Variants in OPCML observed in about 807,000 individuals in gnomAD.
OPCML encodes opioid-binding protein/cell adhesion molecule.
In OPCML, 13 loss-of-function variants were observed where a neutral mutation model predicts 37.8. The observed-to-expected ratio is 0.34, with a 90% confidence interval of 0.22 to 0.55. The LOEUF is 0.55. Among genes scored for constraint, OPCML ranks in the 20% least tolerant of loss-of-function variants. The probability of loss-of-function intolerance (pLI) is 0.91; values close to 1 mark genes in which losing one functional copy is unlikely to be tolerated. For synonymous variants in OPCML, 176 were observed against 168.8 expected, an observed-to-expected ratio of 1.04 and a Z score of -0.33; for missense variants, 341 against 435.6, an observed-to-expected ratio of 0.78 and a Z score of 1.93.
chr11:133,142,848 C>G (rs1018359670), intron 1 of OPCML, among the ~76,000 whole-genome samples: 2 of 152,060 alleles, frequency 1.3e-5, no homozygotes, highest in Non-Finnish European at 2.9e-5. Context: ...TGAGAAGGCA[C>G]TTGGAGGTCT....
intron 1 of OPCML, among the ~76,000 whole-genome samples, chr11:133,178,225 C>T (rs1937643153): frequency 6.6e-6 from 1 of 152,070 alleles, no homozygotes; most frequent in African/African-American, 2.4e-5. Flanking sequence ...GTGTTAGAAA[C>T]TGATTTTTGG....
intron 2 of OPCML, among the ~76,000 whole-genome samples, chr11:132,733,469 T>G (rs1409745846): frequency 6.6e-6 from 1 of 152,162 alleles, no homozygotes; most frequent in Non-Finnish European, 1.5e-5. Flanking sequence ...AAGATCATTC[T>G]ACTTGCTGAG....
chr11:133,010,144 T>G lies in OPCML; in HGVS notation c.62-67134A>C, dbSNP rs1436800591. ...AGGAGCAGCTCAGAAGTCTCCTCCATAGTGAGCCCAACCCTCCACTTGGGA... is the reference window on the plus strand; with the variant it reads ...AGGAGCAGCTCAGAAGTCTCCTCCAGAGTGAGCCCAACCCTCCACTTGGGA... On this transcript the variant is annotated intron_variant, in intron 1 of 7. Transcript: ENST00000524381. Among the ~76,000 whole-genome samples, 3 of 152,146 alleles carry G rather than the reference T, an allele frequency of 2.0e-5. No homozygotes were observed. In the East Asian group the frequency reaches 5.8e-4, roughly 29 times the overall value.
chr11:132,942,760 C>T (rs1945623604), intron 2 of OPCML, among the ~76,000 whole-genome samples, 166 bp downstream of exon 2: 1 of 152,226 alleles, frequency 6.6e-6, no homozygotes, highest in Admixed American at 6.5e-5. Context: ...CAAACCTGTC[C>T]AGGGGCACGG....
intron 1 of OPCML, among the ~76,000 whole-genome samples, chr11:133,201,834 C>T (rs1213893161): frequency 1.3e-5 from 2 of 152,178 alleles, no homozygotes; most frequent in Admixed American, 6.5e-5. Context: ...CTTCTCACCG[C>T]CTCTCCAAAC....
chr11:133,384,976 TGGCCCCG>T (rs1278800790), intron 1 of OPCML, among the ~76,000 whole-genome samples: 2 of 152,184 alleles, frequency 1.3e-5, no homozygotes, highest in Admixed American at 6.5e-5. Flanking sequence ...GATCCCAGGG[TGGCCCCG>T]AGGTCTCCGC....
chr11:132,986,300 C>T (rs1192587151), intron 1 of OPCML, among the ~76,000 whole-genome samples: 3 of 152,008 alleles, frequency 2.0e-5, no homozygotes, highest in African/African-American at 4.8e-5. Flanking sequence ...TTACTAAAAA[C>T]TACCTCAAGT....
rs527967561 is a variant in OPCML at position 132,647,807 on chromosome 11, A to T, written c.379+9280T>A. Among the ~76,000 whole-genome samples, 20 of 152,338 alleles carry T rather than the reference A, an allele frequency of 1.3e-4. No homozygotes were observed. The South Asian group carries it at 3.3e-3, about 25-fold the overall frequency. On this transcript the variant is annotated intron_variant, in intron 3 of 7. Transcript: ENST00000524381. ...GGTTCAAGGGTCAACCGTACTCAGCAGATGATAACCATTGTTTATAATTAC... is the reference window on the plus strand; with the variant it reads ...GGTTCAAGGGTCAACCGTACTCAGCTGATGATAACCATTGTTTATAATTAC...
In OPCML at chr11:133,057,508, G is replaced by A. The variant is rs180678273; in HGVS notation, c.62-114498C>T. Among the ~76,000 whole-genome samples the A allele has an allele frequency of 3.5e-3, 536 of 152,254 alleles. 2 individuals are homozygous for A. Among genetic ancestry groups the A allele is most frequent in the African/African-American group, 0.012 (498 of 41,552 alleles). On this transcript the variant is annotated intron_variant, in intron 1 of 7. Coordinates refer to ENST00000524381, the MANE Select transcript of OPCML (RefSeq NM_001012393.5). ...TTCCCTTGCCTTCTGCTTCTGGGTG[G>A]GTGTGGCCAGTAGAATTCTCCAGTA... is the stretch of plus-strand genomic sequence containing the variant.
Position 132,779,653 on chromosome 11 carries a change from G to A in OPCML, c.147-122334C>T, listed in dbSNP as rs77230470. Among the ~76,000 whole-genome samples, 1,054 of 152,186 alleles carry A rather than the reference G, an allele frequency of 6.9e-3. 7 individuals carry two copies. Among genetic ancestry groups the A allele is most frequent in the Middle Eastern group, 0.031 (9 of 294 alleles). Reference sequence around the variant, plus strand: ...CTGGGTGAGAGCTCAGGACTGCCCAGACTCTCTGCATGCTTTCAGCCTGAA... The same window carrying A: ...CTGGGTGAGAGCTCAGGACTGCCCAAACTCTCTGCATGCTTTCAGCCTGAA... On this transcript the variant is annotated intron_variant, in intron 2 of 7. Transcript: ENST00000524381.
intron 2 of OPCML, among the ~76,000 whole-genome samples, chr11:132,658,541 C>T (rs1004503517): frequency 6.6e-6 from 1 of 152,174 alleles, no homozygotes; most frequent in Non-Finnish European, 1.5e-5. Context: ...AGCACCTGAT[C>T]TAGGGCGGTC....
intron 1 of OPCML, among the ~76,000 whole-genome samples, chr11:133,104,436 AAAG>A (rs751149063): frequency 1.3e-5 from 2 of 152,346 alleles, no homozygotes; most frequent in East Asian, 3.9e-4. Flanking sequence ...ACCTGGAAAA[AAAG>A]AAGAACATTT....
intron 2 of OPCML, among the ~76,000 whole-genome samples, chr11:132,690,713 T>C (rs1943367322): frequency 6.6e-6 from 1 of 152,192 alleles, no homozygotes; most frequent in South Asian, 2.1e-4. Flanking sequence ...GGCATAGCAG[T>C]AGATTCTGGG....
At position 133,327,401 on chromosome 11, in the gene OPCML, T is replaced by G. The variant is rs373674235; in HGVS notation, c.61+204863A>C. Among the ~76,000 whole-genome samples the G allele has an allele frequency of 6.8e-4, 104 of 152,066 alleles. 3 individuals are homozygous for G. The highest frequency in any genetic ancestry group is 2.3e-3 in the African/African-American group (95 of 41,432). On this transcript the variant is annotated intron_variant, in intron 1 of 7. Transcript: ENST00000524381. ...AGTGTATTTACGCTCATTGCAGAGA[T>G]AGTGTGGCCTTATATATCCATCTGG...
chr11:132,807,149 A>G (rs1348343554), intron 2 of OPCML, among the ~76,000 whole-genome samples: 3 of 152,200 alleles, frequency 2.0e-5, no homozygotes, highest in African/African-American at 4.8e-5. Flanking sequence ...CTAGTTATAT[A>G]GACACAAAGA....
chr11:133,359,481 G>A (rs1944366318), intron 1 of OPCML, among the ~76,000 whole-genome samples: 1 of 152,176 alleles, frequency 6.6e-6, no homozygotes, highest in Admixed American at 6.5e-5. Context: ...TCTACTATGT[G>A]TCAGGTACTC....
chr11:133,363,713 G>A (rs1944473060), intron 1 of OPCML, among the ~76,000 whole-genome samples: 1 of 152,162 alleles, frequency 6.6e-6, no homozygotes, highest in African/African-American at 2.4e-5. Flanking sequence ...GAAAGAAAAG[G>A]AATCCCCCTC....
At position 133,312,831 on chromosome 11, in the gene OPCML, C is replaced by T. The variant is rs538024601; in HGVS notation, c.61+219433G>A. Among the ~76,000 whole-genome samples the T allele has an allele frequency of 3.0e-4, 46 of 152,310 alleles. 1 individual carries two copies. In the South Asian group the frequency reaches 9.5e-3, roughly 32 times the overall value. Reference sequence around the variant, plus strand: ...AGTAATATAAACAGTCATTTAACTTCTTTAAGCCTCAGTTTTCTTATCCTC... The same window carrying T: ...AGTAATATAAACAGTCATTTAACTTTTTTAAGCCTCAGTTTTCTTATCCTC... On this transcript the variant is annotated intron_variant, in intron 1 of 7. Transcript: ENST00000524381.
chr11:132,738,322 C>A (rs1044776796), intron 2 of OPCML, among the ~76,000 whole-genome samples: 1 of 152,116 alleles, frequency 6.6e-6, no homozygotes. Flanking sequence ...TTCCTAAGTG[C>A]CAGAAAGTTT....
Sources: allele counts gnomAD v4.1 joint callset (sites outside exome capture counted in the v4.1 genomes callset), GRCh38; gene constraint gnomAD v4.1.1; transcripts MANE v1.5; gene names NCBI Gene and HGNC (gene_info 2026-07-23, HGNC 2026-07-21).